The following DOC2A variants were observed in gnomAD, a reference collection of about 807,000 sequenced individuals.
DOC2A encodes double C2-like domain-containing protein alpha.
A neutral mutation model predicts 40.6 loss-of-function variants in DOC2A; 28 were observed. The ratio of observed to expected loss-of-function variants is 0.69; its 90% CI spans 0.51 to 0.95. The LOEUF (loss-of-function observed/expected upper bound fraction) is 0.95. DOC2A is among the 40% of genes least tolerant of loss of function. The pLI is 0.00. For synonymous variants in DOC2A, 241 were observed against 236.9 expected (o/e 1.02, Z -0.16); for missense variants, 474 against 552.5 (o/e 0.86, Z 1.42).
chr16:30,022,092 T>G (rs957202722), upstream of DOC2A, among the ~76,000 whole-genome samples: 2 of 150,784 alleles, frequency 1.3e-5, no homozygotes, highest in Non-Finnish European at 3.0e-5. Context: ...CTACTAAAAG[T>G]ACAAAAATCA....
upstream of DOC2A, among the ~76,000 whole-genome samples, chr16:30,021,870 A>ACC (rs141039739): frequency 4.5e-3 from 599 of 133,492 alleles, 2 homozygotes; most frequent in African/African-American, 0.016. Flanking sequence ...TCAGAGAGGA[A>ACC]CCCCCCCCCC....
upstream of DOC2A, chr16:30,012,253 G>A (rs185009728): frequency 1.9e-4 from 29 of 152,236 alleles, 1 homozygote; most frequent in East Asian, 4.8e-3. Context: ...CCTCTTCCTA[G>A]GAGCCTTCCT....
chr16:30,010,304 C>G lies in DOC2A; in HGVS notation c.-13-69G>C. 1 of 1,595,096 alleles carries G rather than the reference C, an allele frequency of 6.3e-7. No homozygotes were observed. Among genetic ancestry groups the G allele is most frequent in the Non-Finnish European group, 8.5e-7 (1 of 1,173,620 alleles). ...ATCCTGGCTGAGGGCCAGGCGACGG[C>G]CTCCTCGGTCTGTGGGGCCCTCACT... On this transcript the variant is annotated intron_variant, in intron 1 of 10. Transcript: ENST00000350119. The surrounding 1 kb of genome is among the most constrained non-coding windows in gnomAD (Gnocchi z 4.2).
At chr16:30,011,515 CGTT>C (rs2070780031), upstream of DOC2A, 2 of 668,254 alleles carry the variant, frequency 3.0e-6, no homozygotes, top group African/African-American at 4.0e-5. Flanking sequence ...CCACCGGCCT[CGTT>C]GTCATGGCGA....
rs778900736 is a variant in DOC2A, at chr16:30,007,316, G to A, written c.528-17C>T. On this transcript the variant is annotated splice_polypyrimidine_tract_variant and intron_variant, in intron 5 of 10. Transcript: ENST00000350119. ...ACGGCGATCCTGGTCGGGAACTGCA[G>A]TGTCAGGGCCCCTGGGGTACCTGAG... The A allele has an allele frequency of 3.1e-6, 5 of 1,613,494 alleles. No homozygotes were observed. The highest frequency in any genetic ancestry group is 4.5e-5 in the East Asian group (2 of 44,898).
In DOC2A at chr16:30,009,869, C is replaced by G; in HGVS notation, c.262+92G>C. 2 of 1,418,018 alleles carry G rather than the reference C, an allele frequency of 1.4e-6. No individual in the cohort carries two copies. The highest frequency in any genetic ancestry group is 2.4e-5 in the South Asian group (2 of 84,726). The allele number at this position is 1,418,018 out of a possible 1,614,324, so 87.8% of individuals were successfully genotyped here. On this transcript the variant is annotated intron_variant, in intron 2 of 10. Transcript: ENST00000350119. The surrounding 1 kb of genome is among the most constrained non-coding windows in gnomAD (Gnocchi z 4.1). Reference sequence around the variant, plus strand: ...ACTGCCCTCCTCCCCTACCTACATGCACAGCCAGCAGGGCCCATCCCCCTC... The same window carrying G: ...ACTGCCCTCCTCCCCTACCTACATGGACAGCCAGCAGGGCCCATCCCCCTC...
At chr16:30,011,059 G>C (rs2150958383), upstream of DOC2A, 28 of 983,646 alleles carry the variant, frequency 2.8e-5, no homozygotes, top group Non-Finnish European at 3.4e-5. Flanking sequence ...GTGGAGGCGA[G>C]GATGCAGCCG....
At chr16:30,007,433 G>T in intron 5 of DOC2A, 134 bp from the exon 6 acceptor site, 3 of 1,301,592 alleles carry the variant, frequency 2.3e-6, no homozygotes, top group East Asian at 2.4e-5. Context: ...CACTTGAGAA[G>T]GACAAGCAGA....
At position 30,006,424 on chromosome 16, in the gene DOC2A, T is replaced by C; in HGVS notation, c.1046A>G (p.Asn349Ser). 2 of 1,613,348 alleles carry C rather than the reference T, an allele frequency of 1.2e-6. No individual in the cohort carries two copies. Among genetic ancestry groups the C allele is most frequent in the Non-Finnish European group, 8.5e-7 (1 of 1,179,868 alleles). The part of the protein sequence containing the change: ...TVWDYDIGKS[N>S]DFIGGVSLGP... ...AGCTCCTCCCTCACCAATGAAGTCA[T>C]TGGATTTGCCAATGTCATAGTCCCA... Residue 349 changes from asparagine (N) to serine (S), a missense_variant, in exon 10 of 11, where the codon AAT (asparagine) becomes AGT (serine). Transcript: ENST00000350119. The surrounding 1 kb of genome is among the most constrained non-coding windows in gnomAD (Gnocchi z 6.2).
At position 30,009,852 on chromosome 16, in the gene DOC2A, C is replaced by T. The variant is rs1481153056; in HGVS notation, c.262+109G>A. On this transcript the variant is annotated intron_variant, in intron 2 of 10. Coordinates refer to ENST00000350119, the MANE Select transcript of DOC2A (RefSeq NM_003586.3). This position sits in a 1 kb window ranked among gnomAD's most constrained non-coding sequence, Gnocchi z 4.1. ...GTCCCTGCCACCCCCCCACTGCCCT[C>T]CTCCCCTACCTACATGCACAGCCAG... 1 of 1,232,710 alleles carries T rather than the reference C, an allele frequency of 8.1e-7. No homozygotes were observed. Among genetic ancestry groups the T allele is most frequent in the Non-Finnish European group, 1.2e-6 (1 of 853,884 alleles). The allele number at this position is 1,232,710 out of a possible 1,614,324, so 76.4% of individuals were successfully genotyped here.
In DOC2A at chr16:30,009,561, G is replaced by A. The variant is rs748703201; in HGVS notation, c.263-4C>T. 8 of 1,550,876 alleles carry A rather than the reference G, an allele frequency of 5.2e-6. No homozygotes were observed. The highest frequency in any genetic ancestry group is 7.0e-6 in the Non-Finnish European group (8 of 1,146,866). On this transcript the variant is annotated splice_region_variant and splice_polypyrimidine_tract_variant and intron_variant, in intron 2 of 10. Coordinates refer to ENST00000350119, the MANE Select transcript of DOC2A (RefSeq NM_003586.3). This position sits in a 1 kb window ranked among gnomAD's most constrained non-coding sequence, Gnocchi z 4.1. Reference sequence around the variant, plus strand: ...AACTCCAGCGTGCCTAGGGCGGCTGGAGAGAGAGGAAAGGCAGCATGGGTC... The same window carrying A: ...AACTCCAGCGTGCCTAGGGCGGCTGAAGAGAGAGGAAAGGCAGCATGGGTC...
chr16:30,009,061 G>A lies in DOC2A; in HGVS notation c.462C>T (p.Pro154=), dbSNP rs982652670. 3 of 1,613,960 alleles carry A rather than the reference G, an allele frequency of 1.9e-6. No individual in the cohort carries two copies. The highest frequency in any genetic ancestry group is 1.3e-5 in the African/African-American group (1 of 74,914). Residue 154 remains proline, a synonymous_variant, in exon 5 of 11, where the codon CCC becomes CCT. Coordinates refer to ENST00000350119, the MANE Select transcript of DOC2A (RefSeq NM_003586.3). The surrounding 1 kb of genome is among the most constrained non-coding windows in gnomAD (Gnocchi z 4.1). ...TGTAAGTCAGGTCCTCATTCCACAC[G>A]GGATTCAGTGTGTTCCTCTGAGTCT... The part of the protein sequence containing the change: ...KTKTQRNTLN[P]VWNEDLTYSG...
Position 30,009,451 on chromosome 16 carries a change from C to G in DOC2A, c.342+27G>C, listed in dbSNP as rs746459111. On this transcript the variant is annotated intron_variant, in intron 3 of 10. Transcript: ENST00000350119. The surrounding 1 kb of genome is among the most constrained non-coding windows in gnomAD (Gnocchi z 4.1). Reference sequence around the variant, plus strand: ...CTGGGGGCTGCACGCAAACCGGGCCCGGGCTTGGGTGGCAGGGAGTGCCCA... The same window carrying G: ...CTGGGGGCTGCACGCAAACCGGGCCGGGGCTTGGGTGGCAGGGAGTGCCCA... The G allele has an allele frequency of 6.5e-7, 1 of 1,550,110 alleles. No individual in the cohort carries two copies. The highest frequency in any genetic ancestry group is 1.7e-4 in the Middle Eastern group (1 of 5,728).
In DOC2A at chr16:30,008,665, C is replaced by T. The variant is rs1333119493; in HGVS notation, c.527+331G>A. The T allele has an allele frequency of 6.8e-5, 22 of 322,934 alleles. 1 individual carries two copies. Among genetic ancestry groups the T allele is most frequent in the Middle Eastern group, 2.2e-3 (2 of 926 alleles). The allele number at this position is 322,934 out of a possible 1,614,324, so 20.0% of individuals were successfully genotyped here. A position where few individuals can be genotyped will look rare whatever the true frequency, so the allele number is the denominator to read the frequency against. ...ATTTACAGGTACATGCCACCACGCC[C>T]GGCTAATTTTTGTATTTTTAGTAGA... On this transcript the variant is annotated intron_variant, in intron 5 of 10. Coordinates refer to ENST00000350119, the MANE Select transcript of DOC2A (RefSeq NM_003586.3).
upstream of DOC2A, chr16:30,021,452 A>T (rs1307189248): frequency 6.6e-6 from 1 of 152,134 alleles, no homozygotes; most frequent in African/African-American, 2.4e-5. Context: ...GAGATGGGAG[A>T]TGGGGTGGCC....
intron 5 of DOC2A, chr16:30,008,755 C>T (rs1190197701): frequency 8.5e-6 from 4 of 471,084 alleles, no homozygotes; most frequent in South Asian, 6.2e-5. Context: ...ATCCGCCCAC[C>T]TCGGCCTCCC....
At chr16:30,015,941 G>A (rs1303388698), upstream of DOC2A, among the ~76,000 whole-genome samples, 5 of 139,596 alleles carry the variant, frequency 3.6e-5, no homozygotes, top group African/African-American at 8.3e-5. Flanking sequence ...CAAACTCCTG[G>A]CCTCAAGCCA....
upstream of DOC2A, chr16:30,011,472 C>T (rs2070778707): frequency 2.1e-6 from 2 of 959,212 alleles, no homozygotes; most frequent in African/African-American, 1.8e-5. Context: ...GCGGCCACGG[C>T]GCCTCCCTCC....
upstream of DOC2A, chr16:30,013,710 CT>C (rs1014327319): frequency 1.4e-5 from 2 of 145,638 alleles, no homozygotes; most frequent in African/African-American, 2.6e-5. Context: ...AGTTCAAATT[CT>C]TTTTTTCTTT....
Sources: allele counts gnomAD v4.1 joint callset (sites outside exome capture counted in the v4.1 genomes callset), GRCh38; gene constraint gnomAD v4.1.1; non-coding constraint Gnocchi (gnomAD v3.1); transcripts MANE v1.5; gene names NCBI Gene and HGNC (gene_info 2026-07-23, HGNC 2026-07-21).